Variants in NFIB observed in about 807,000 individuals in gnomAD.
The protein encoded by NFIB is nuclear factor I B.
In NFIB, 11 loss-of-function variants were observed where a neutral mutation model predicts 61.5. That is an observed-to-expected ratio of 0.18 (90% CI 0.11 to 0.30). NFIB has a LOEUF of 0.30. Ranked by LOEUF, NFIB falls within the 10% of genes least tolerant of loss-of-function variation. NFIB has a pLI of 1.00. For synonymous variants in NFIB, 260 were observed against 216.5 expected (o/e 1.20, Z -1.76); for missense variants, 471 against 608.9 (o/e 0.77, Z 2.38).
the NFIB span, among the ~76,000 whole-genome samples, chr9:14,507,874 A>C: frequency 2.0e-5 from 3 of 152,060 alleles, no homozygotes; most frequent in African/African-American, 7.2e-5. Flanking sequence ...CATCAGAAAT[A>C]GACAGGTGAC....
Position 14,344,134 on chromosome 9 carries a change from G to GAGAGAA in NFIB, c.109-36615_109-36614insTTCTCT, listed in dbSNP as rs1248077284. Among the ~76,000 whole-genome samples the GAGAGAA allele has an allele frequency of 2.1e-3, 312 of 148,134 alleles. 1 individual carries two copies. The highest frequency in any genetic ancestry group is 7.3e-3 in the African/African-American group (290 of 39,488). ...AGAGAGAGAGAGAGAGAGAGAGAGA[G>GAGAGAA]AAACACTAAGGTGCCTGAGACAGAG... On this transcript the variant is annotated intron_variant, in intron 1 of 8. Transcript: ENST00000380934.
chr9:14,372,736 T>C (rs1217651398), intron 1 of NFIB, among the ~76,000 whole-genome samples: 1 of 152,200 alleles, frequency 6.6e-6, no homozygotes, highest in Non-Finnish European at 1.5e-5. Context: ...AATTATAAAA[T>C]GGCATTGCAG....
chr9:14,468,919 G>A, the NFIB span, among the ~76,000 whole-genome samples: 2 of 152,136 alleles, frequency 1.3e-5, no homozygotes, highest in African/African-American at 4.8e-5. Context: ...AGAAATACTG[G>A]TGGCTTCTCA....
the NFIB span, among the ~76,000 whole-genome samples, chr9:14,459,211 T>G: frequency 1.3e-5 from 2 of 152,114 alleles, no homozygotes; most frequent in African/African-American, 2.4e-5. Context: ...GAAATAATGC[T>G]GCATATCTAC....
the NFIB span, among the ~76,000 whole-genome samples, chr9:14,458,255 G>A: frequency 6.6e-6 from 1 of 152,230 alleles, no homozygotes; most frequent in East Asian, 1.9e-4. Flanking sequence ...AACAGAACCA[G>A]TGACAAAAAC....
chr9:14,422,940 G>C, the NFIB span, among the ~76,000 whole-genome samples: 1 of 152,174 alleles, frequency 6.6e-6, no homozygotes, highest in Non-Finnish European at 1.5e-5. Context: ...TGTTTCTACA[G>C]TTCTGGATTT....
intron 2 of NFIB, among the ~76,000 whole-genome samples, chr9:14,220,290 A>T (rs1242171513): frequency 6.6e-6 from 1 of 152,122 alleles, no homozygotes; most frequent in Non-Finnish European, 1.5e-5. Flanking sequence ...AGAAAACACA[A>T]CTCTAATTAG....
At chr9:14,292,903 T>C (rs1019948003) in intron 2 of NFIB, among the ~76,000 whole-genome samples, 1 of 152,140 alleles carries the variant, frequency 6.6e-6, no homozygotes, top group East Asian at 1.9e-4. Context: ...TTCTCCTATA[T>C]GCATCTTAAT....
intron 6 of NFIB, among the ~76,000 whole-genome samples, chr9:14,146,078 T>C (rs1009054895): frequency 6.6e-6 from 1 of 152,082 alleles, no homozygotes; most frequent in African/African-American, 2.4e-5. Context: ...CAACAGACTT[T>C]AAGAAGAGCT....
chr9:14,444,697 C>T, the NFIB span, among the ~76,000 whole-genome samples: 2 of 152,050 alleles, frequency 1.3e-5, no homozygotes, highest in Non-Finnish European at 2.9e-5. Flanking sequence ...TCCTTATCCC[C>T]GTTTACTCTT....
chr9:14,121,447 T>C (rs905868053), intron 7 of NFIB, among the ~76,000 whole-genome samples: 2 of 152,194 alleles, frequency 1.3e-5, no homozygotes, highest in Non-Finnish European at 2.9e-5. Context: ...CGTTTCCCTG[T>C]ACATCCTACC....
chr9:14,182,327 T>C (rs2046872300), intron 2 of NFIB, among the ~76,000 whole-genome samples: 1 of 152,162 alleles, frequency 6.6e-6, no homozygotes, highest in African/African-American at 2.4e-5. Context: ...CCAAAGCCCA[T>C]ACCTTCTCAT....
chr9:14,243,375 T>C (rs1403099988), intron 2 of NFIB, among the ~76,000 whole-genome samples: 3 of 152,184 alleles, frequency 2.0e-5, no homozygotes, highest in Non-Finnish European at 4.4e-5. Context: ...GAAGCTGGCA[T>C]GTGATTCCAA....
At chr9:14,521,812 G>A in the NFIB span, among the ~76,000 whole-genome samples, 1,980 of 152,288 alleles carry the variant, frequency 0.013, 52 homozygotes, top group African/African-American at 0.046. Context: ...GCTATCCCTT[G>A]CGTGGGGAGA....
upstream of NFIB, among the ~76,000 whole-genome samples, chr9:14,399,771 G>A (rs72700550): frequency 0.05 from 7,633 of 152,204 alleles, 205 homozygotes; most frequent in Non-Finnish European, 0.066. Context: ...TTGTTTAAAA[G>A]TTGCATATAT....
the NFIB span, among the ~76,000 whole-genome samples, chr9:14,505,158 T>A: frequency 6.6e-6 from 1 of 152,222 alleles, no homozygotes; most frequent in African/African-American, 2.4e-5. Flanking sequence ...TATAAAACCA[T>A]CCTTACATCC....
At chr9:14,405,821 G>A in the NFIB span, among the ~76,000 whole-genome samples, 1 of 152,206 alleles carries the variant, frequency 6.6e-6, no homozygotes, top group African/African-American at 2.4e-5. Flanking sequence ...GTTCAATACA[G>A]TAGACAGAGA....
At chr9:14,265,874 T>G (rs2057158532) in intron 2 of NFIB, among the ~76,000 whole-genome samples, 1 of 152,090 alleles carries the variant, frequency 6.6e-6, no homozygotes, top group African/African-American at 2.4e-5. Flanking sequence ...GTTAGGGAAG[T>G]AGAAAGTACT....
the NFIB span, among the ~76,000 whole-genome samples, chr9:14,507,361 T>C: frequency 1.3e-5 from 2 of 152,270 alleles, no homozygotes; most frequent in African/African-American, 4.8e-5. Flanking sequence ...TATATCTGTT[T>C]CTTCACAGTC....
Sources: gnomAD v4.1 joint callset for allele counts (sites outside exome capture counted in the v4.1 genomes callset) on GRCh38, gnomAD v4.1.1 for gene constraint, MANE v1.5 for transcripts, NCBI Gene and HGNC (gene_info 2026-07-23, HGNC 2026-07-21) for gene names.